The following SPRY3 variants were observed in gnomAD, a reference collection of about 807,000 sequenced individuals.
The protein encoded by SPRY3 is sprouty RTK signaling antagonist 3, also known as protein sprouty homolog 3.
Under a neutral mutation model 20.2 loss-of-function variants are expected in SPRY3, and 15 were observed. That is an observed-to-expected ratio of 0.74 (90% CI 0.50 to 1.14). SPRY3 has a LOEUF of 1.14. SPRY3 is among the 50% of genes most tolerant of loss of function. The pLI, the probability that SPRY3 is intolerant of heterozygous loss-of-function variation, is 0.00. For synonymous variants in SPRY3, 143 were observed against 136.5 expected (o/e 1.05, Z -0.33); for missense variants, 364 against 363.9 (o/e 1.00, Z 0.00).
intron 2 of SPRY3, among the ~76,000 whole-genome samples, chrX:155,671,377 T>C (rs888992272): frequency 1.8e-5 from 2 of 110,716 alleles, no homozygotes; most frequent in African/African-American, 6.6e-5. Context: ...CTTCTCCCAA[T>C]GTCCAGGGGA....
chrX:155,721,314 G>T (rs1376777946), intron 2 of SPRY3, among the ~76,000 whole-genome samples: 1 of 152,050 alleles, frequency 6.6e-6, no homozygotes, highest in Non-Finnish European at 1.5e-5. Flanking sequence ...AAAATAGCCT[G>T]AAAAAGGCAA....
chrX:155,689,420 A>G (rs1308185585), intron 2 of SPRY3, among the ~76,000 whole-genome samples: 1 of 86,893 alleles, frequency 1.2e-5, no homozygotes, highest in Non-Finnish European at 2.1e-5. Context: ...TAGTTTCAAT[A>G]TAAATGGTCC....
chrX:155,722,190 T>A (rs1327286733), intron 2 of SPRY3, among the ~76,000 whole-genome samples: 1 of 152,148 alleles, frequency 6.6e-6, no homozygotes, highest in South Asian at 2.1e-4. Flanking sequence ...ACAAGTCTCA[T>A]GGTAACCTGA....
intron 2 of SPRY3, among the ~76,000 whole-genome samples, chrX:155,723,384 T>C (rs184029565): frequency 3.4e-3 from 523 of 152,324 alleles, no homozygotes; most frequent in Non-Finnish European, 2.9e-4. Flanking sequence ...GTTGAACTAA[T>C]TTACACTCCC....
rs141334914 is a variant in SPRY3 at position 155,657,923 on chromosome X, G to A, written c.-282+898G>A. Among the ~76,000 whole-genome samples the A allele has an allele frequency of 7.0e-3, 782 of 111,414 alleles. 6 individuals are homozygous for A. The highest frequency in any genetic ancestry group is 0.024 in the African/African-American group (738 of 30,374). On this transcript the variant is annotated intron_variant, in intron 2 of 3. Coordinates refer to ENST00000675360, the Ensembl canonical transcript of SPRY3. ...CCCACCCTGGTTCTGCTCACCCTCC[G>A]TGGGCTGCACCCGCTGCCTAACCAG...
intron 2 of SPRY3, among the ~76,000 whole-genome samples, chrX:155,692,181 G>A (rs1222523609): frequency 9.2e-6 from 1 of 109,194 alleles, no homozygotes; most frequent in East Asian, 2.8e-4. Flanking sequence ...AATGGGTACA[G>A]CTTTATATTT....
chrX:155,773,909 T>C, exon 4 of SPRY3: 1 of 1,613,914 alleles, frequency 6.2e-7, no homozygotes, highest in Non-Finnish European at 8.5e-7. Context: ...CAACAAATTC[T>C]GCCTATTGAA....
chrX:155,679,247 T>A (rs601343), intron 2 of SPRY3, among the ~76,000 whole-genome samples: 15 of 111,329 alleles, frequency 1.3e-4, no homozygotes, highest in African/African-American at 4.9e-4. Context: ...ATACAAATTT[T>A]AAAAAAAGAA....
rs183902212 is a variant in SPRY3, at chrX:155,654,471, C to G, written c.-440-2396C>G. Among the ~76,000 whole-genome samples, 41 of 110,935 alleles carry G rather than the reference C, an allele frequency of 3.7e-4. 2 individuals carry two copies. The highest frequency in any genetic ancestry group is 1.3e-3 in the African/African-American group (39 of 30,566). ...TAGGTAATTTTTCAACCCTCACCCC[C>G]TCCTACTATCCCACCTTTTAGAATC... On this transcript the variant is annotated intron_variant, in intron 1 of 3. Transcript: ENST00000675360.
At chrX:155,644,433 C>T (rs782255279) in intron 1 of SPRY3, among the ~76,000 whole-genome samples, 50 of 110,779 alleles carry the variant, frequency 4.5e-4, no homozygotes, top group East Asian at 1.4e-3. Context: ...CAGGGCAGTG[C>T]GTTCCACCAG....
chrX:155,717,198 G>C (rs187903589), intron 2 of SPRY3, among the ~76,000 whole-genome samples: 6 of 149,042 alleles, frequency 4.0e-5, no homozygotes, highest in African/African-American at 9.8e-5. Context: ...TTTTTGCTGG[G>C]CCTTCTCAGA....
chrX:155,646,056 C>A (rs935933322), intron 1 of SPRY3, among the ~76,000 whole-genome samples: 2 of 112,253 alleles, frequency 1.8e-5, no homozygotes, highest in Non-Finnish European at 3.8e-5. Flanking sequence ...AACTATTCTT[C>A]CCTTATTAGG....
intron 2 of SPRY3, among the ~76,000 whole-genome samples, chrX:155,666,819 G>A (rs1420169836): frequency 3.6e-5 from 4 of 110,658 alleles, no homozygotes; most frequent in African/African-American, 1.3e-4. Flanking sequence ...TTACTTAGGA[G>A]CTAATGGAAG....
At chrX:155,766,514 T>C (rs1005668782) in intron 2 of SPRY3, among the ~76,000 whole-genome samples, 1 of 152,202 alleles carries the variant, frequency 6.6e-6, no homozygotes, top group African/African-American at 2.4e-5. Context: ...ATAGATGAGG[T>C]AACCAAAGCA....
chrX:155,779,888 T>C (rs1191638694), downstream of SPRY3: 6 of 167,002 alleles, frequency 3.6e-5, no homozygotes, highest in Non-Finnish European at 7.3e-5. Flanking sequence ...CATTTGGACC[T>C]TTGGCCGAAG....
intron 3 of SPRY3, among the ~76,000 whole-genome samples, chrX:155,772,478 A>G (rs1191487133): frequency 6.6e-6 from 1 of 152,140 alleles, no homozygotes; most frequent in Non-Finnish European, 1.5e-5. Context: ...TAATTGATCT[A>G]TTTTGAGAAG....
At chrX:155,674,871 G>A (rs901467208) in intron 2 of SPRY3, among the ~76,000 whole-genome samples, 1 of 111,354 alleles carries the variant, frequency 9.0e-6, no homozygotes. Context: ...ACAAGGCAAG[G>A]ACTACAGATC....
intron 1 of SPRY3, among the ~76,000 whole-genome samples, chrX:155,630,300 C>T (rs1420387799): frequency 8.9e-6 from 1 of 111,910 alleles, no homozygotes; most frequent in Non-Finnish European, 1.9e-5. Context: ...TTGACTATGT[C>T]CTCACTTTTA....
chrX:155,766,873 C>T (rs2091333973), intron 2 of SPRY3, among the ~76,000 whole-genome samples: 1 of 152,052 alleles, frequency 6.6e-6, no homozygotes, highest in South Asian at 2.1e-4. Flanking sequence ...TAATGGTTTC[C>T]CAGTGGCAAT....
Sources: allele counts gnomAD v4.1 joint callset (sites outside exome capture counted in the v4.1 genomes callset), GRCh38; gene constraint gnomAD v4.1.1; transcripts MANE v1.5; gene names NCBI Gene and HGNC (gene_info 2026-07-23, HGNC 2026-07-21).